The following PTPRN2 variants were observed in gnomAD, a reference collection of about 807,000 sequenced individuals.
The protein encoded by PTPRN2 is protein tyrosine phosphatase receptor type N2, also known as receptor-type tyrosine-protein phosphatase N2.
PTPRN2 carries 74 observed loss-of-function variants against 118.8 expected under a neutral mutation model. The ratio of observed to expected loss-of-function variants is 0.62; its 90% CI spans 0.52 to 0.76. PTPRN2 has a LOEUF of 0.76. Among genes scored for constraint, PTPRN2 ranks in the 30% least tolerant of loss-of-function variants. PTPRN2 has a pLI of 0.00. For synonymous variants in PTPRN2, 641 were observed against 608.0 expected, an observed-to-expected ratio of 1.05 and a Z score of -0.80; for missense variants, 1,481 against 1,394.4, an observed-to-expected ratio of 1.06 and a Z score of -0.99.
intron 12 of PTPRN2, among the ~76,000 whole-genome samples, chr7:157,890,499 G>A (rs1796737726): frequency 6.6e-6 from 1 of 152,126 alleles, no homozygotes; most frequent in South Asian, 2.1e-4. Flanking sequence ...AAAATTAGCT[G>A]AACATGGTGG....
intron 6 of PTPRN2, among the ~76,000 whole-genome samples, chr7:158,147,859 C>G (rs984407539): frequency 6.7e-5 from 9 of 135,234 alleles, no homozygotes; most frequent in Non-Finnish European, 1.1e-4. Flanking sequence ...CGTGTCTTTC[C>G]CCTTCAATGA....
chr7:158,098,624 C>T (rs1814881946), intron 10 of PTPRN2, among the ~76,000 whole-genome samples: 1 of 152,206 alleles, frequency 6.6e-6, no homozygotes, highest in Non-Finnish European at 1.5e-5. Flanking sequence ...ACACGCCTCC[C>T]TCGCCCGCCC....
chr7:158,248,832 CCCA>C (rs994320155), intron 3 of PTPRN2, among the ~76,000 whole-genome samples: 1 of 14,408 alleles, frequency 6.9e-5, no homozygotes, highest in Non-Finnish European at 1.5e-4. Flanking sequence ...CACGCATGCA[CCCA>C]CGTCACATAC....
intron 21 of PTPRN2, among the ~76,000 whole-genome samples, chr7:157,562,894 G>C (rs565187746): frequency 7.6e-6 from 1 of 132,354 alleles, no homozygotes; most frequent in Non-Finnish European, 1.6e-5. Context: ...AGGACCACGT[G>C]CTCCCGCATC....
chr7:157,691,938 G>A (rs1797522633), intron 12 of PTPRN2, among the ~76,000 whole-genome samples: 1 of 151,954 alleles, frequency 6.6e-6, no homozygotes, highest in Non-Finnish European at 1.5e-5. Flanking sequence ...GGGGCACCCC[G>A]GTGCGCGGCG....
chr7:158,329,343 C>A (rs1803935594), intron 2 of PTPRN2, among the ~76,000 whole-genome samples: 1 of 152,214 alleles, frequency 6.6e-6, no homozygotes, highest in Non-Finnish European at 1.5e-5. Flanking sequence ...CAGCCTTTTA[C>A]CTTTAAGGAT....
intron 1 of PTPRN2, among the ~76,000 whole-genome samples, chr7:158,507,508 C>A (rs528875936): frequency 1.4e-5 from 2 of 148,138 alleles, no homozygotes; most frequent in Admixed American, 6.7e-5. Context: ...GACAGCCCTG[C>A]GCTGGGCGGG....
Position 157,994,357 on chromosome 7 carries a change from A to G in PTPRN2, c.1723+86941T>C, listed in dbSNP as rs559320256. On this transcript the variant is annotated intron_variant, in intron 11 of 22. Transcript: ENST00000389418. ...TGACAGAAAATAACCAGCAGAAAAC[A>G]AACAACACATCTTAGGGAAGGGAAT... Among the ~76,000 whole-genome samples the G allele has an allele frequency of 3.3e-5, 5 of 152,368 alleles. No individual in the cohort carries two copies. The East Asian group carries it at 7.7e-4, about 24-fold the overall frequency.
chr7:158,425,314 G>A lies in PTPRN2; in HGVS notation c.163+64421C>T, dbSNP rs1327198356. On this transcript the variant is annotated intron_variant, in intron 2 of 22. Transcript: ENST00000389418. Reference sequence around the variant, plus strand: ...CCTGCGCACCGCCGGGAAAGACCCAGAGTCCGAGACCAGCCTAGCTGAGGC... The same window carrying A: ...CCTGCGCACCGCCGGGAAAGACCCAAAGTCCGAGACCAGCCTAGCTGAGGC... Among the ~76,000 whole-genome samples the A allele has an allele frequency of 3.6e-4, 43 of 120,914 alleles. 1 individual carries two copies. Among genetic ancestry groups the A allele is most frequent in the African/African-American group, 1.5e-3 (41 of 27,932 alleles). The allele number at this position is 120,914 out of a possible 152,430, so 79.3% of individuals were successfully genotyped here. A position where few individuals can be genotyped will look rare whatever the true frequency, so the allele number is the denominator to read the frequency against.
chr7:158,330,088 A>G, intron 2 of PTPRN2, among the ~76,000 whole-genome samples: 1 of 149,342 alleles, frequency 6.7e-6, no homozygotes, highest in African/African-American at 2.5e-5. Context: ...TGACACCTGC[A>G]GACGTCACTC....
At chr7:157,559,470 T>C (rs889634977) in intron 21 of PTPRN2, among the ~76,000 whole-genome samples, 2 of 151,186 alleles carry the variant, frequency 1.3e-5, no homozygotes, top group African/African-American at 2.4e-5. Flanking sequence ...ACAGAGTGGG[T>C]GGGAGCGAGA....
intron 10 of PTPRN2, among the ~76,000 whole-genome samples, chr7:158,082,129 C>T (rs193219405): frequency 1.3e-5 from 2 of 152,246 alleles, no homozygotes; most frequent in African/African-American, 4.8e-5. Context: ...AGAAGTAAAT[C>T]CCTGGAACAG....
chr7:157,992,394 C>T (rs1428550982), intron 11 of PTPRN2, among the ~76,000 whole-genome samples: 1 of 152,198 alleles, frequency 6.6e-6, no homozygotes, highest in Non-Finnish European at 1.5e-5. Context: ...CTTGCAGCCT[C>T]TGAGCTTCTG....
chr7:158,188,362 T>TGATGGGGAAGGCCGCCACGCTCGCCCCGC (rs1563577102), intron 5 of PTPRN2, among the ~76,000 whole-genome samples: 1 of 16,916 alleles, frequency 5.9e-5, no homozygotes, highest in African/African-American at 2.0e-4. Context: ...GCTCGCCGCC[T>TGATGGGGAAGGCCGCCACGCTCGCCCCGC]GATGGGGAAG....
intron 9 of PTPRN2, among the ~76,000 whole-genome samples, chr7:158,128,797 C>T (rs2150414979): frequency 6.6e-6 from 1 of 152,248 alleles, no homozygotes; most frequent in African/African-American, 2.4e-5. Flanking sequence ...TCTCCTACCC[C>T]GGGGCAGGGA....
At chr7:158,175,338 C>CGCTGCA (rs1236111306) in intron 5 of PTPRN2, among the ~76,000 whole-genome samples, 1 of 152,168 alleles carries the variant, frequency 6.6e-6, no homozygotes, top group Admixed American at 6.5e-5. Flanking sequence ...GAGGTGGGAA[C>CGCTGCA]GCTGCAGCTC....
chr7:157,685,026 T>C (rs985234770), intron 12 of PTPRN2, among the ~76,000 whole-genome samples: 1 of 151,492 alleles, frequency 6.6e-6, no homozygotes, highest in Non-Finnish European at 1.5e-5. Flanking sequence ...CCCGGAGCCA[T>C]ACCTGGGCGG....
In PTPRN2 at chr7:158,337,054, G is replaced by A. The variant is rs71547513; in HGVS notation, c.164-20122C>T. On this transcript the variant is annotated intron_variant, in intron 2 of 22. Transcript: ENST00000389418. Reference sequence around the variant, plus strand: ...CACAGACATCACTCACACCCACACTGTCACCATAAGAGCTGACACCCGCAG... The same window carrying A: ...CACAGACATCACTCACACCCACACTATCACCATAAGAGCTGACACCCGCAG... 1.4e-4 allele frequency among the ~76,000 whole-genome samples: 3 copies of A among 21,662 alleles called. 1 individual carries two copies. The East Asian group carries it at 4.3e-3, about 31-fold the overall frequency. The allele number at this position is 21,662 out of a possible 152,430, so 14.2% of individuals were successfully genotyped here. A position where few individuals can be genotyped will look rare whatever the true frequency, so the allele number is the denominator to read the frequency against.
In PTPRN2 at chr7:157,671,825, C is replaced by T. The variant is rs772769798; in HGVS notation, c.2001+10900G>A. On this transcript the variant is annotated intron_variant, in intron 13 of 22. Coordinates refer to ENST00000389418, the MANE Select transcript of PTPRN2 (RefSeq NM_002847.5). The surrounding 1 kb of genome is among the most constrained non-coding windows in gnomAD (Gnocchi z 4.1). ...GAAGAGCTTCTTCCTACCAGACCCC[C>T]GAAGGCCAGGGTCTGGGGGCCTGCT... Among the ~76,000 whole-genome samples the T allele has an allele frequency of 1.1e-4, 16 of 152,106 alleles. 1 individual carries two copies. Among genetic ancestry groups the T allele is most frequent in the Admixed American group, 4.6e-4 (7 of 15,272 alleles).
Sources: gnomAD v4.1 joint callset for allele counts (sites outside exome capture counted in the v4.1 genomes callset) on GRCh38, gnomAD v4.1.1 for gene constraint, Gnocchi (gnomAD v3.1) non-coding constraint, MANE v1.5 for transcripts, NCBI Gene and HGNC (gene_info 2026-07-23, HGNC 2026-07-21) for gene names.